The following METAP1 variants were observed in gnomAD, a reference collection of about 807,000 sequenced individuals.
METAP1 encodes methionyl aminopeptidase 1.
A neutral mutation model predicts 53.8 loss-of-function variants in METAP1; 28 were observed. That is an observed-to-expected ratio of 0.52 (90% CI 0.39 to 0.71). The LOEUF (loss-of-function observed/expected upper bound fraction) is 0.71. METAP1 is among the 30% of genes least tolerant of loss of function. The pLI is 0.00. For missense variants in METAP1, 389 were observed against 479.8 expected, an observed-to-expected ratio of 0.81 and a Z score of 1.77; for synonymous variants, 181 against 165.7, an observed-to-expected ratio of 1.09 and a Z score of -0.71.
chr4:99,060,654 C>T (rs76088669), intron 10 of METAP1, among the ~76,000 whole-genome samples: 11,854 of 152,134 alleles, frequency 0.078, 1,191 homozygotes, highest in East Asian at 0.57. Flanking sequence ...TGTGCCACCG[C>T]GCCTGGCCAA....
intron 1 of METAP1, among the ~76,000 whole-genome samples, chr4:99,007,881 A>G (rs950339480): frequency 2.0e-5 from 3 of 152,292 alleles, no homozygotes; most frequent in South Asian, 4.1e-4. Context: ...CAGATCTGCA[A>G]TCAGTCTTGT....
At position 99,012,046 on chromosome 4, in the gene METAP1, T is replaced by G. The variant is rs543685200; in HGVS notation, c.114+16179T>G. 4.3e-3 allele frequency among the ~76,000 whole-genome samples: 648 copies of G among 152,242 alleles called. 5 individuals carry two copies. The highest frequency in any genetic ancestry group is 6.1e-3 in the Non-Finnish European group (415 of 68,000). ...TTTTCTTCGGTAGTCTAGCTAAGGG[T>G]TGGCCACTTTCTTTTCATTGTTTTT... On this transcript the variant is annotated intron_variant, in intron 1 of 10. Transcript: ENST00000296411.
intron 7 of METAP1, among the ~76,000 whole-genome samples, chr4:99,043,993 C>T (rs571106230): frequency 2.0e-5 from 3 of 152,090 alleles, no homozygotes; most frequent in Non-Finnish European, 4.4e-5. Flanking sequence ...AGTGCAGGGG[C>T]GCCACCATGG....
intron 8 of METAP1, among the ~76,000 whole-genome samples, chr4:99,046,722 A>G (rs1726268563): frequency 1.3e-5 from 2 of 152,302 alleles, no homozygotes; most frequent in South Asian, 4.1e-4. Flanking sequence ...AAATGAAGGA[A>G]TATGATATTT....
At chr4:99,014,245 G>T (rs1723628803) in intron 1 of METAP1, among the ~76,000 whole-genome samples, 1 of 152,194 alleles carries the variant, frequency 6.6e-6, no homozygotes, top group South Asian at 2.1e-4. Context: ...TAGCTTGTTT[G>T]ATAAAGCAGT....
intron 1 of METAP1, among the ~76,000 whole-genome samples, chr4:99,017,777 C>T (rs1311139127): frequency 1.3e-5 from 2 of 152,206 alleles, no homozygotes; most frequent in African/African-American, 2.4e-5. Context: ...AATCTTTCTG[C>T]TTTCTTCCAC....
At chr4:99,033,229 A>G (rs1171514513) in intron 2 of METAP1, among the ~76,000 whole-genome samples, 1 of 152,006 alleles carries the variant, frequency 6.6e-6, no homozygotes, top group Non-Finnish European at 1.5e-5. Context: ...TATTTTAAAT[A>G]GATTGTTTAA....
chr4:99,007,130 A>T (rs568638697), intron 1 of METAP1, among the ~76,000 whole-genome samples: 6 of 151,564 alleles, frequency 4.0e-5, no homozygotes, highest in Admixed American at 2.0e-4. Context: ...TAATTTTTGT[A>T]CTTTTTGTAG....
intron 2 of METAP1, among the ~76,000 whole-genome samples, chr4:99,032,016 T>C (rs1447139843): frequency 6.6e-6 from 1 of 152,202 alleles, no homozygotes; most frequent in Non-Finnish European, 1.5e-5. Context: ...TCAATTCAGA[T>C]TTGTTAATGG....
chr4:99,007,885 G>A (rs555016607), intron 1 of METAP1, among the ~76,000 whole-genome samples: 4 of 152,266 alleles, frequency 2.6e-5, no homozygotes, highest in Non-Finnish European at 4.4e-5. Context: ...TCTGCAATCA[G>A]TCTTGTTTCT....
chr4:99,046,403 GAAGAA>G (rs1468891962), intron 8 of METAP1, among the ~76,000 whole-genome samples: 10 of 151,890 alleles, frequency 6.6e-5, no homozygotes, highest in Non-Finnish European at 1.0e-4. Flanking sequence ...TTCAAAAAAA[GAAGAA>G]AAGAAAAAAA....
chr4:98,997,088 A>G (rs748975924), intron 1 of METAP1, among the ~76,000 whole-genome samples: 1 of 152,216 alleles, frequency 6.6e-6, no homozygotes, highest in Non-Finnish European at 1.5e-5. Context: ...TTATTTTTTA[A>G]AGGATTCTAG....
chr4:98,997,681 T>C (rs182844744), intron 1 of METAP1, among the ~76,000 whole-genome samples: 2 of 152,370 alleles, frequency 1.3e-5, no homozygotes, highest in Admixed American at 1.3e-4. Context: ...CTGGGGTTTG[T>C]GGAAAAATGC....
rs773604092 is a variant in METAP1 at position 99,045,298 on chromosome 4, G to A, written c.775G>A (p.Ala259Thr). 1.2e-5 allele frequency: 19 copies of A among 1,613,580 alleles called. No individual in the cohort carries two copies. In the South Asian group the frequency reaches 2.0e-4, roughly 17 times the overall value. ...VQTTYECLMQ[A>T]IDAVKPGVRY... ...GACCACATATGAGTGCCTGATGCAA[G>A]CCATTGATGCAGGTCAGCCTCAGTG... Residue 259 changes from alanine (A) to threonine (T), a missense_variant, in exon 8 of 11, where the codon GCC becomes ACC. Physicochemically the swap from Ala to Thr is moderately conservative, Grantham distance 58. Coordinates refer to ENST00000296411, the MANE Select transcript of METAP1 (RefSeq NM_015143.3).
intron 1 of METAP1, among the ~76,000 whole-genome samples, chr4:99,004,469 ACACACACACAC>A (rs1482151824): frequency 1.0e-4 from 2 of 19,052 alleles, no homozygotes; most frequent in Non-Finnish European, 2.4e-4. Flanking sequence ...ACACACACAC[ACACACACACAC>A]ACATACACAC....
chr4:99,025,765 T>G (rs983458763), intron 1 of METAP1, among the ~76,000 whole-genome samples: 21 of 152,208 alleles, frequency 1.4e-4, no homozygotes, highest in African/African-American at 4.8e-4. Flanking sequence ...AGCATTAGCA[T>G]CAACACAGAG....
At chr4:99,061,071 G>T in intron 10 of METAP1, 83 bp from the exon 11 acceptor site, 1 of 1,424,020 alleles carries the variant, frequency 7.0e-7, no homozygotes, top group South Asian at 1.3e-5. Flanking sequence ...GATCTTAGTA[G>T]TGAATTTTTT....
intron 3 of METAP1, 64 bp downstream of exon 3, chr4:99,034,406 A>G: frequency 2.1e-6 from 2 of 970,382 alleles, no homozygotes; most frequent in East Asian, 2.7e-5. Flanking sequence ...GATACTCGTA[A>G]TTTGTTTTCC....
chr4:99,024,774 C>T (rs1399255853), intron 1 of METAP1, among the ~76,000 whole-genome samples: 2 of 152,152 alleles, frequency 1.3e-5, no homozygotes, highest in South Asian at 2.1e-4. Flanking sequence ...GCAGTCTGGT[C>T]TCCAGGAAGA....
Sources: gnomAD v4.1 joint callset for allele counts (sites outside exome capture counted in the v4.1 genomes callset) on GRCh38, gnomAD v4.1.1 for gene constraint, MANE v1.5 for transcripts, NCBI Gene and HGNC (gene_info 2026-07-23, HGNC 2026-07-21) for gene names.